SLC14A2: variants seen among roughly 807,000 people sequenced by gnomAD.
SLC14A2 encodes the protein solute carrier family 14 member 2.
In SLC14A2, 91 loss-of-function variants were observed where a neutral mutation model predicts 104.6. The observed-to-expected ratio is 0.87, with a 90% CI of 0.73 to 1.04. SLC14A2 has a LOEUF of 1.04. Among genes scored for constraint, SLC14A2 ranks in the 50% least tolerant of loss-of-function variants. SLC14A2 has a pLI of 0.00. For synonymous variants in SLC14A2, 476 were observed against 466.4 expected, an observed-to-expected ratio of 1.02 and a Z score of -0.27; for missense variants, 1,189 against 1,156.0, an observed-to-expected ratio of 1.03 and a Z score of -0.41.
At chr18:45,650,270 T>C (rs1037114252) in intron 10 of SLC14A2, among the ~76,000 whole-genome samples, 1 of 152,230 alleles carries the variant, frequency 6.6e-6, no homozygotes, top group African/African-American at 2.4e-5. Flanking sequence ...ATCATGTTTT[T>C]AGTTTCAGAA....
At chr18:45,293,180 C>T (rs185341206) in intron 1 of SLC14A2, among the ~76,000 whole-genome samples, 2 of 152,088 alleles carry the variant, frequency 1.3e-5, no homozygotes, top group Non-Finnish European at 2.9e-5. Flanking sequence ...CCATGGAGAA[C>T]CTTTTTTGAC....
intron 1 of SLC14A2, among the ~76,000 whole-genome samples, chr18:45,447,972 A>T (rs549040342): frequency 6.6e-6 from 1 of 152,360 alleles, no homozygotes; most frequent in South Asian, 2.1e-4. Context: ...AACCCTCTGC[A>T]CCTTAACAGT....
chr18:45,654,630 T>C (rs1240027136), intron 10 of SLC14A2, among the ~76,000 whole-genome samples: 1 of 152,046 alleles, frequency 6.6e-6, no homozygotes. Context: ...AGAGACAACA[T>C]AGATTTTGGA....
intron 1 of SLC14A2, among the ~76,000 whole-genome samples, chr18:45,616,801 G>T (rs748590009): frequency 3.3e-5 from 5 of 152,130 alleles, no homozygotes; most frequent in Non-Finnish European, 7.4e-5. Context: ...CCCCACTTTA[G>T]AAGTGTCACA....
chr18:45,356,128 A>C (rs2085551777), intron 1 of SLC14A2, among the ~76,000 whole-genome samples: 1 of 152,144 alleles, frequency 6.6e-6, no homozygotes, highest in South Asian at 2.1e-4. Flanking sequence ...CTGAAACCAA[A>C]ACTTCACTCA....
At chr18:45,181,519 G>C in the SLC14A2 span, among the ~76,000 whole-genome samples, 39 of 152,280 alleles carry the variant, frequency 2.6e-4, no homozygotes, top group African/African-American at 9.4e-4. Flanking sequence ...ATAAAAGATG[G>C]CAAGAGGGAA....
At chr18:45,399,053 T>A (rs1025271068) in intron 1 of SLC14A2, among the ~76,000 whole-genome samples, 1 of 152,210 alleles carries the variant, frequency 6.6e-6, no homozygotes, top group Non-Finnish European at 1.5e-5. Flanking sequence ...GGATGCTAAG[T>A]TCCATCTCAT....
intron 2 of SLC14A2, among the ~76,000 whole-genome samples, chr18:45,590,387 T>C (rs779759550): frequency 6.6e-6 from 1 of 152,118 alleles, no homozygotes; most frequent in Non-Finnish European, 1.5e-5. Flanking sequence ...CCTAAAGAAG[T>C]TGGACAGTCT....
the SLC14A2 span, among the ~76,000 whole-genome samples, chr18:45,192,400 G>A: frequency 6.6e-6 from 1 of 152,178 alleles, no homozygotes; most frequent in Non-Finnish European, 1.5e-5. Context: ...AAATCCTTGT[G>A]TAAATATATG....
At position 45,566,515 on chromosome 18, in the gene SLC14A2, G is replaced by GCACACA. The variant is rs66828313; in HGVS notation, c.-34-58089_-34-58084dup. Among the ~76,000 whole-genome samples, 87 of 150,080 alleles carry GCACACA rather than the reference G, an allele frequency of 5.8e-4. 1 individual carries two copies. The highest frequency in any genetic ancestry group is 1.8e-3 in the African/African-American group (74 of 40,852). ...CATGCATGTACATGCGCTCACGCTC[G>GCACACA]CACACACACACACACACACACACAC... On this transcript the variant is annotated intron_variant, in intron 2 of 20. Transcript: ENST00000586448.
At chr18:45,313,927 T>C (rs1295232588) in intron 1 of SLC14A2, among the ~76,000 whole-genome samples, 2 of 152,192 alleles carry the variant, frequency 1.3e-5, no homozygotes, top group South Asian at 2.1e-4. Context: ...AAGAGGGAAA[T>C]TTCAGTCTTC....
At chr18:45,270,324 A>T (rs1311563829) in intron 1 of SLC14A2, among the ~76,000 whole-genome samples, 1 of 152,048 alleles carries the variant, frequency 6.6e-6, no homozygotes, top group Non-Finnish European at 1.5e-5. Context: ...TTTAGTTAAG[A>T]TATTCTCCTG....
rs1315877858 is a variant in SLC14A2, at chr18:45,382,104, G to A, written c.-124-101129G>A. On this transcript the variant is annotated intron_variant, in intron 1 of 20. Coordinates refer to the SLC14A2 transcript ENST00000586448. ...TTGTGTTCTACAGGATAGGCCAGGG[G>A]CTCAGATGATACTCATAGACAAGGG... 4.6e-5 allele frequency among the ~76,000 whole-genome samples: 7 copies of A among 152,264 alleles called. No homozygotes were observed. The East Asian group carries it at 1.4e-3, about 29-fold the overall frequency.
chr18:45,171,566 T>C, the SLC14A2 span, among the ~76,000 whole-genome samples: 1 of 152,246 alleles, frequency 6.6e-6, no homozygotes, highest in East Asian at 1.9e-4. Flanking sequence ...TTTTGTTTTA[T>C]AAAAAGTGTA....
rs528482296 is a variant in SLC14A2 at position 45,506,378 on chromosome 18, G to T, written c.-35+23056G>T. On this transcript the variant is annotated intron_variant, in intron 2 of 20. Coordinates refer to the SLC14A2 transcript ENST00000586448. ...CTGTCAGTAATCCAGTGGCAACTGG[G>T]TGTTTGCTGAATTCCGAGCTGTAGT... 4.6e-5 allele frequency among the ~76,000 whole-genome samples: 7 copies of T among 152,322 alleles called. No homozygotes were observed. The South Asian group carries it at 1.5e-3, about 32-fold the overall frequency.
At chr18:45,259,028 C>G (rs1381712524) in intron 1 of SLC14A2, among the ~76,000 whole-genome samples, 1 of 152,232 alleles carries the variant, frequency 6.6e-6, no homozygotes, top group Non-Finnish European at 1.5e-5. Context: ...CACACTCACA[C>G]GTGGATTTCC....
intron 1 of SLC14A2, among the ~76,000 whole-genome samples, chr18:45,391,503 T>C (rs1377136000): frequency 2.6e-5 from 4 of 152,226 alleles, no homozygotes; most frequent in Admixed American, 6.5e-5. Context: ...ATCGCCCCAC[T>C]GACTTCCACA....
chr18:45,382,205 T>G (rs1220474670), intron 1 of SLC14A2, among the ~76,000 whole-genome samples: 1 of 152,296 alleles, frequency 6.6e-6, no homozygotes. Context: ...ATCTGCCATA[T>G]AGGGTCATTC....
Position 45,236,570 on chromosome 18 carries a change from T to C in SLC14A2, c.-125+23379T>C, listed in dbSNP as rs572966961. ...ATGTGTGTATATATGTGTATATATG[T>C]ATATATACATATATATATGGGAAAA... On this transcript the variant is annotated intron_variant, in intron 1 of 20. Coordinates refer to the SLC14A2 transcript ENST00000586448. 1.8e-3 allele frequency among the ~76,000 whole-genome samples: 238 copies of C among 129,016 alleles called. 59 individuals are homozygous for C. Among genetic ancestry groups the C allele is most frequent in the African/African-American group, 6.9e-3 (222 of 32,074 alleles). The allele number at this position is 129,016 out of a possible 152,430, so 84.6% of individuals were successfully genotyped here.
Sources: allele counts gnomAD v4.1 joint callset (sites outside exome capture counted in the v4.1 genomes callset), GRCh38; gene constraint gnomAD v4.1.1; transcripts MANE v1.5; gene names NCBI Gene and HGNC (gene_info 2026-07-23, HGNC 2026-07-21).